The following ZNF438 variants were observed in gnomAD, a reference collection of about 807,000 sequenced individuals.
The protein encoded by ZNF438 is zinc finger protein 438.
A neutral mutation model predicts 38.0 loss-of-function variants in ZNF438; 25 were observed. The observed-to-expected ratio is 0.66, with a 90% CI of 0.48 to 0.92. The LOEUF is 0.92. ZNF438 is among the 40% of genes least tolerant of loss of function. The probability of loss-of-function intolerance (pLI) is 0.00; values close to 1 mark genes in which losing one functional copy is unlikely to be tolerated. For synonymous variants in ZNF438, 372 were observed against 364.1 expected, an observed-to-expected ratio of 1.02 and a Z score of -0.25; for missense variants, 1,007 against 999.6, an observed-to-expected ratio of 1.01 and a Z score of -0.10.
At chr10:30,983,926 A>T (rs1372818951) in intron 1 of ZNF438, among the ~76,000 whole-genome samples, 1 of 152,188 alleles carries the variant, frequency 6.6e-6, no homozygotes, top group East Asian at 1.9e-4. Flanking sequence ...ACCACAGGAC[A>T]TTTGTCAAAA....
chr10:30,911,779 T>G (rs554349941), intron 2 of ZNF438, among the ~76,000 whole-genome samples: 12 of 152,246 alleles, frequency 7.9e-5, no homozygotes, highest in Admixed American at 7.8e-4. Flanking sequence ...CATTTCACCT[T>G]CATTTTCCAA....
At chr10:30,912,139 C>T (rs1346465866) in intron 2 of ZNF438, among the ~76,000 whole-genome samples, 1 of 152,088 alleles carries the variant, frequency 6.6e-6, no homozygotes, top group Non-Finnish European at 1.5e-5. Flanking sequence ...CCTATCTAGA[C>T]ACTTCCTGCT....
At chr10:30,898,872 G>A (rs997871851) in intron 3 of ZNF438, among the ~76,000 whole-genome samples, 3 of 152,026 alleles carry the variant, frequency 2.0e-5, no homozygotes, top group Non-Finnish European at 2.9e-5. Context: ...GACACCATAC[G>A]TAATTTCCTA....
chr10:30,901,694 A>C (rs1398818777), intron 3 of ZNF438, among the ~76,000 whole-genome samples: 1 of 150,870 alleles, frequency 6.6e-6, no homozygotes, highest in Non-Finnish European at 1.5e-5. Context: ...CCGCTTGGCG[A>C]TAGGCGATGG....
intron 1 of ZNF438, among the ~76,000 whole-genome samples, chr10:31,004,205 C>T (rs2054914245): frequency 6.6e-6 from 1 of 152,128 alleles, no homozygotes; most frequent in Non-Finnish European, 1.5e-5. Context: ...ACAAGACATC[C>T]CCTGACACTG....
At chr10:30,861,233 A>G (rs992343634) in intron 4 of ZNF438, among the ~76,000 whole-genome samples, 1 of 152,232 alleles carries the variant, frequency 6.6e-6, no homozygotes, top group Admixed American at 6.5e-5. Context: ...AATCACCTTT[A>G]GACTGCTTTT....
intron 2 of ZNF438, among the ~76,000 whole-genome samples, chr10:30,913,260 T>A (rs1440715987): frequency 6.6e-6 from 1 of 152,052 alleles, no homozygotes; most frequent in East Asian, 1.9e-4. Flanking sequence ...AAAAGCTCTA[T>A]AAGGTCTGAA....
At chr10:31,023,744 A>C (rs530758789) in intron 1 of ZNF438, among the ~76,000 whole-genome samples, 3 of 152,330 alleles carry the variant, frequency 2.0e-5, no homozygotes, top group South Asian at 4.1e-4. Context: ...CTTTCCACTT[A>C]AGCACTTTGC....
intron 2 of ZNF438, among the ~76,000 whole-genome samples, chr10:30,937,490 T>G (rs2934649): frequency 0.2 from 31,131 of 152,132 alleles, 4,036 homozygotes; most frequent in Middle Eastern, 0.32. Flanking sequence ...ATGATTATGT[T>G]AAAGGTCATA....
intron 1 of ZNF438, among the ~76,000 whole-genome samples, chr10:30,949,425 T>G (rs1319366374): frequency 6.6e-6 from 1 of 152,202 alleles, no homozygotes; most frequent in South Asian, 2.1e-4. Flanking sequence ...GTAAATGGAC[T>G]AAATGCTCCA....
intron 1 of ZNF438, among the ~76,000 whole-genome samples, chr10:30,943,708 A>T (rs560704843): frequency 6.6e-6 from 1 of 152,300 alleles, no homozygotes; most frequent in African/African-American, 2.4e-5. Flanking sequence ...GAATTAGAAA[A>T]GGGAGATGGT....
intron 3 of ZNF438, among the ~76,000 whole-genome samples, chr10:30,887,713 T>A (rs1354763828): frequency 6.6e-6 from 1 of 152,158 alleles, no homozygotes; most frequent in African/African-American, 2.4e-5. Context: ...AAGGCAGTTG[T>A]CTCCTGTCAC....
chr10:30,880,464 AAAAC>A (rs995364927), intron 3 of ZNF438, among the ~76,000 whole-genome samples: 2 of 151,726 alleles, frequency 1.3e-5, no homozygotes, highest in African/African-American at 2.4e-5. Context: ...GAAAAAAACA[AAAAC>A]AAAAATAATG....
chr10:30,954,072 T>G (rs1006144935), intron 1 of ZNF438, among the ~76,000 whole-genome samples: 79 of 152,028 alleles, frequency 5.2e-4, no homozygotes, highest in Non-Finnish European at 1.3e-4. Context: ...GAACCCGGGA[T>G]GTGGAGGTTG....
At chr10:30,914,849 T>C (rs369670217) in intron 2 of ZNF438, among the ~76,000 whole-genome samples, 4 of 152,008 alleles carry the variant, frequency 2.6e-5, no homozygotes, top group Non-Finnish European at 4.4e-5. Flanking sequence ...TTTTAAAAAG[T>C]AGATCTTAAA....
intron 1 of ZNF438, among the ~76,000 whole-genome samples, chr10:30,978,543 A>G (rs1257741734): frequency 1.3e-5 from 2 of 152,200 alleles, no homozygotes; most frequent in Admixed American, 6.5e-5. Flanking sequence ...ATCTCCATAT[A>G]ATCACCACCA....
chr10:30,899,403 T>C (rs1034761701), intron 3 of ZNF438, among the ~76,000 whole-genome samples: 2 of 152,140 alleles, frequency 1.3e-5, no homozygotes, highest in African/African-American at 4.8e-5. Context: ...AAGCACATGC[T>C]CTCCAAGTAC....
intron 1 of ZNF438, among the ~76,000 whole-genome samples, chr10:30,988,770 A>AT (rs2053137662): frequency 6.6e-6 from 1 of 152,230 alleles, no homozygotes; most frequent in African/African-American, 2.4e-5. Flanking sequence ...ATAAAATTAT[A>AT]TAAGTTTACA....
At chr10:31,001,012 AAC>A (rs1421334622) in intron 1 of ZNF438, among the ~76,000 whole-genome samples, 1 of 152,130 alleles carries the variant, frequency 6.6e-6, no homozygotes, top group Non-Finnish European at 1.5e-5. Context: ...CTTACCAGAG[AAC>A]AGTCATCTCA....
Sources: allele counts gnomAD v4.1 joint callset (sites outside exome capture counted in the v4.1 genomes callset), GRCh38; gene constraint gnomAD v4.1.1; transcripts MANE v1.5; gene names NCBI Gene and HGNC (gene_info 2026-07-23, HGNC 2026-07-21).